Variants in NR2F1-AS1 observed in about 807,000 individuals in gnomAD.
NR2F1-AS1 encodes the protein NR2F1 antisense RNA 1.
At chr5:93,546,920 A>AGTG (rs1752100383) in intron 4 of NR2F1-AS1, among the ~76,000 whole-genome samples, 3 of 152,230 alleles carry the variant, frequency 2.0e-5, no homozygotes, top group Non-Finnish European at 2.9e-5. Flanking sequence ...TAAGTAAAAG[A>AGTG]GATTAACTTT....
chr5:93,482,263 T>A (rs190508841), intron 4 of NR2F1-AS1, among the ~76,000 whole-genome samples: 1 of 152,094 alleles, frequency 6.6e-6, no homozygotes, highest in African/African-American at 2.4e-5. Flanking sequence ...ACTCATCTCA[T>A]TGGGACAGGT....
At chr5:93,447,647 C>A (rs549963397) in intron 4 of NR2F1-AS1, among the ~76,000 whole-genome samples, 2 of 152,072 alleles carry the variant, frequency 1.3e-5, no homozygotes, top group East Asian at 3.9e-4. Flanking sequence ...GACAGTGTGG[C>A]GATTCCTCAA....
intron 4 of NR2F1-AS1, among the ~76,000 whole-genome samples, chr5:93,453,531 A>G (rs965165669): frequency 2.6e-5 from 4 of 152,110 alleles, no homozygotes; most frequent in Admixed American, 1.3e-4. Context: ...ATAACATCAT[A>G]CCAAACCACA....
chr5:93,549,530 G>A (rs958192650), intron 4 of NR2F1-AS1, among the ~76,000 whole-genome samples: 29 of 152,198 alleles, frequency 1.9e-4, no homozygotes, highest in African/African-American at 6.5e-4. Flanking sequence ...GCCTTCATGA[G>A]AAACACAGAA....
At chr5:93,513,423 C>T (rs766755276) in intron 4 of NR2F1-AS1, among the ~76,000 whole-genome samples, 1 of 151,982 alleles carries the variant, frequency 6.6e-6, no homozygotes, top group Non-Finnish European at 1.5e-5. Flanking sequence ...TAGTTACCTA[C>T]CAATAGTGAA....
chr5:93,571,375 G>A (rs1284559628), intron 1 of NR2F1-AS1: 3 of 151,156 alleles, frequency 2.0e-5, no homozygotes, highest in Admixed American at 2.0e-4. Flanking sequence ...GGGATGCGGA[G>A]GGGTCGGGAG....
intron 1 of NR2F1-AS1, among the ~76,000 whole-genome samples, chr5:93,564,119 A>C (rs1752560130): frequency 1.4e-5 from 1 of 71,284 alleles, no homozygotes; most frequent in African/African-American, 5.9e-5. Context: ...AAAAAAAAAA[A>C]AAAAAAAAAA....
intron 4 of NR2F1-AS1, among the ~76,000 whole-genome samples, chr5:93,420,089 G>C (rs775836625): frequency 5.9e-5 from 9 of 152,060 alleles, no homozygotes; most frequent in African/African-American, 2.2e-4. Context: ...CCTGCTATTC[G>C]GAAGGCAGAG....
intron 4 of NR2F1-AS1, among the ~76,000 whole-genome samples, chr5:93,424,026 C>A (rs1749144988): frequency 6.6e-6 from 1 of 152,156 alleles, no homozygotes; most frequent in Non-Finnish European, 1.5e-5. Context: ...CAGATCCCCT[C>A]CACTCCCATT....
chr5:93,436,713 T>A (rs945006156), intron 4 of NR2F1-AS1, among the ~76,000 whole-genome samples: 1 of 152,162 alleles, frequency 6.6e-6, no homozygotes, highest in Non-Finnish European at 1.5e-5. Flanking sequence ...TTCACAAATG[T>A]GAACATTTGT....
At chr5:93,544,675 G>A (rs1752034557) in intron 4 of NR2F1-AS1, 2 of 152,162 alleles carry the variant, frequency 1.3e-5, no homozygotes, top group African/African-American at 2.4e-5. Context: ...TGTAATCCCA[G>A]CACTTTGGGA....
At chr5:93,491,380 G>A (rs1013015916) in intron 4 of NR2F1-AS1, among the ~76,000 whole-genome samples, 1 of 151,256 alleles carries the variant, frequency 6.6e-6, no homozygotes, top group African/African-American at 2.4e-5. Flanking sequence ...GGGGGGTGGT[G>A]GTGCTGGTGG....
At chr5:93,556,586 G>T (rs951274946) in intron 2 of NR2F1-AS1, among the ~76,000 whole-genome samples, 1 of 152,102 alleles carries the variant, frequency 6.6e-6, no homozygotes, top group Non-Finnish European at 1.5e-5. Context: ...TCATTAGGGT[G>T]GGCCCTAATC....
At chr5:93,532,204 A>C (rs2149901060) in intron 4 of NR2F1-AS1, among the ~76,000 whole-genome samples, 1 of 152,308 alleles carries the variant, frequency 6.6e-6, no homozygotes, top group South Asian at 2.1e-4. Context: ...CGTTATTTTA[A>C]CATACTTACT....
At chr5:93,507,106 G>A (rs1751200533) in intron 4 of NR2F1-AS1, among the ~76,000 whole-genome samples, 1 of 151,872 alleles carries the variant, frequency 6.6e-6, no homozygotes, top group Admixed American at 6.6e-5. Flanking sequence ...AAAACCATAA[G>A]ATCATTTCAA....
At chr5:93,539,329 C>A (rs540160013) in intron 4 of NR2F1-AS1, among the ~76,000 whole-genome samples, 1 of 152,132 alleles carries the variant, frequency 6.6e-6, no homozygotes, top group East Asian at 1.9e-4. Flanking sequence ...CACTACTTAA[C>A]AATAGCCAAG....
chr5:93,411,742 AT>A lies in NR2F1-AS1; in HGVS notation n.639-16201del, dbSNP rs75538054. Reference sequence around the variant, plus strand: ...ATCCAAGCCTAAGGAAATCAGAAATATCACATACCTGCATATTTGGAAAAGA... The same window carrying A: ...ATCCAAGCCTAAGGAAATCAGAAATACACATACCTGCATATTTGGAAAAGA... On this transcript the variant is annotated intron_variant and non_coding_transcript_variant, in intron 4 of 5. Coordinates refer to ENST00000660523, the Ensembl canonical transcript of NR2F1-AS1. Among the ~76,000 whole-genome samples the A allele has an allele frequency of 1.7e-3, 233 of 136,596 alleles. 1 individual carries two copies. The highest frequency in any genetic ancestry group is 3.3e-3 in the Non-Finnish European group (191 of 57,666). 89.6% of individuals were successfully genotyped at this position (136,596 alleles called of 152,430 possible).
At chr5:93,498,161 A>G (rs904179171) in intron 4 of NR2F1-AS1, among the ~76,000 whole-genome samples, 4 of 152,002 alleles carry the variant, frequency 2.6e-5, no homozygotes, top group African/African-American at 9.7e-5. Flanking sequence ...CAGTCCCTAC[A>G]AAAGAAATAA....
upstream of NR2F1-AS1, chr5:93,581,181 C>G (rs1753019963): frequency 6.6e-6 from 1 of 152,190 alleles, no homozygotes; most frequent in South Asian, 2.1e-4. Flanking sequence ...CCACCTTTAC[C>G]TGAGGGCGTG....
Sources: allele counts gnomAD v4.1 joint callset (sites outside exome capture counted in the v4.1 genomes callset), GRCh38; gene constraint gnomAD v4.1.1; transcripts MANE v1.5; gene names NCBI Gene and HGNC (gene_info 2026-07-23, HGNC 2026-07-21).